The following GPC5 variants were observed in gnomAD, a reference collection of about 807,000 sequenced individuals.
GPC5 encodes the protein glypican-5.
A neutral mutation model predicts 53.9 loss-of-function variants in GPC5; 47 were observed. The ratio of observed to expected loss-of-function variants is 0.87; its 90% confidence interval spans 0.69 to 1.11. The LOEUF is 1.11. Among genes scored for constraint, GPC5 ranks in the 50% most tolerant of loss-of-function variants. The pLI, the probability that GPC5 is intolerant of heterozygous loss-of-function variation, is 0.00. For synonymous variants in GPC5, 286 were observed against 263.3 expected (o/e 1.09, Z -0.84); for missense variants, 748 against 713.1 (o/e 1.05, Z -0.56).
chr13:92,785,644 G>A (rs1308984028), intron 7 of GPC5, among the ~76,000 whole-genome samples: 2 of 152,180 alleles, frequency 1.3e-5, no homozygotes, highest in Non-Finnish European at 1.5e-5. Context: ...CACATGAAGT[G>A]ATTTTTGCAC....
chr13:92,455,672 A>G (rs1264499028), intron 7 of GPC5, among the ~76,000 whole-genome samples: 2 of 152,340 alleles, frequency 1.3e-5, no homozygotes, highest in Non-Finnish European at 2.9e-5. Context: ...AAAAAACTAT[A>G]TAAATTTAAA....
intron 2 of GPC5, among the ~76,000 whole-genome samples, chr13:91,565,619 A>G (rs2065851): frequency 0.47 from 71,890 of 152,142 alleles, 18,901 homozygotes; most frequent in African/African-American, 0.73. Flanking sequence ...ACTTACAGCC[A>G]TGGTTGTTTG....
chr13:92,836,126 CTT>C (rs1463362584), intron 7 of GPC5, among the ~76,000 whole-genome samples: 1 of 151,950 alleles, frequency 6.6e-6, no homozygotes, highest in Non-Finnish European at 1.5e-5. Flanking sequence ...TGTTTATCAA[CTT>C]TAAGTATAAT....
intron 7 of GPC5, among the ~76,000 whole-genome samples, chr13:92,486,612 A>G (rs934918731): frequency 6.6e-6 from 1 of 152,194 alleles, no homozygotes; most frequent in Non-Finnish European, 1.5e-5. Context: ...TGTCTTTTTG[A>G]CAATTTGGAG....
chr13:92,218,805 A>G (rs1040108988), intron 7 of GPC5, among the ~76,000 whole-genome samples: 63 of 152,328 alleles, frequency 4.1e-4, no homozygotes, highest in African/African-American at 1.5e-3. Context: ...TAAAATTAGC[A>G]TGTTAAAGAG....
chr13:92,667,848 A>G (rs1026386881), intron 7 of GPC5, among the ~76,000 whole-genome samples: 1 of 152,200 alleles, frequency 6.6e-6, no homozygotes, highest in African/African-American at 2.4e-5. Context: ...AAGCCAGTTC[A>G]TAAGTTATTC....
chr13:92,069,500 C>T (rs1393374505), intron 6 of GPC5, among the ~76,000 whole-genome samples: 3 of 150,908 alleles, frequency 2.0e-5, no homozygotes, highest in African/African-American at 7.3e-5. Flanking sequence ...CATCTATATA[C>T]AAATGCTTTA....
intron 6 of GPC5, among the ~76,000 whole-genome samples, chr13:91,912,650 T>G (rs1348858212): frequency 6.6e-6 from 1 of 152,130 alleles, no homozygotes; most frequent in Non-Finnish European, 1.5e-5. Context: ...TATCTGGTTG[T>G]TGGTGCTGGC....
chr13:91,584,248 C>G (rs114491546), intron 2 of GPC5, among the ~76,000 whole-genome samples: 2,318 of 151,726 alleles, frequency 0.015, 53 homozygotes, highest in African/African-American at 0.053. Flanking sequence ...TTTTTTTTTG[C>G]GAAGTTACAG....
chr13:92,811,635 C>G (rs1423287884), intron 7 of GPC5, among the ~76,000 whole-genome samples: 1 of 151,758 alleles, frequency 6.6e-6, no homozygotes, highest in East Asian at 1.9e-4. Context: ...ATTTTTATTA[C>G]TTTTTCTTTT....
intron 7 of GPC5, among the ~76,000 whole-genome samples, chr13:92,474,552 G>C (rs1430981970): frequency 2.0e-5 from 3 of 151,500 alleles, no homozygotes; most frequent in Non-Finnish European, 4.4e-5. Context: ...CTCATGGGCA[G>C]TACTTCATAC....
chr13:92,575,279 T>A (rs1468651375), intron 7 of GPC5, among the ~76,000 whole-genome samples: 1 of 152,202 alleles, frequency 6.6e-6, no homozygotes, highest in Admixed American at 6.5e-5. Context: ...AAGGAGACCA[T>A]CCTGGACTTA....
chr13:92,667,604 C>G (rs1224688511), intron 7 of GPC5, among the ~76,000 whole-genome samples: 1 of 152,066 alleles, frequency 6.6e-6, no homozygotes, highest in Non-Finnish European at 1.5e-5. Flanking sequence ...TATGAGAGAG[C>G]TGCGAGAAGT....
At chr13:92,487,968 G>A (rs1213598678) in intron 7 of GPC5, among the ~76,000 whole-genome samples, 2 of 152,150 alleles carry the variant, frequency 1.3e-5, no homozygotes, top group African/African-American at 2.4e-5. Flanking sequence ...GAGGATGGAT[G>A]AATTTCTGTT....
At chr13:92,680,994 C>A (rs925238005) in intron 7 of GPC5, among the ~76,000 whole-genome samples, 1 of 151,988 alleles carries the variant, frequency 6.6e-6, no homozygotes, top group African/African-American at 2.4e-5. Context: ...TGGTCAGCAT[C>A]CAACCAGATC....
intron 6 of GPC5, among the ~76,000 whole-genome samples, chr13:92,104,636 TCTG>T (rs1397613350): frequency 5.9e-5 from 9 of 152,144 alleles, no homozygotes; most frequent in Non-Finnish European, 1.0e-4. Flanking sequence ...CAGCCTTTCT[TCTG>T]CTGATGGGTA....
At chr13:91,877,353 C>T (rs775703603) in intron 5 of GPC5, among the ~76,000 whole-genome samples, 2 of 152,094 alleles carry the variant, frequency 1.3e-5, no homozygotes, top group African/African-American at 2.4e-5. Flanking sequence ...TGAAAGCAGC[C>T]GGGAGGGAGG....
chr13:92,150,870 C>T (rs576055309), intron 7 of GPC5, among the ~76,000 whole-genome samples: 1 of 147,122 alleles, frequency 6.8e-6, no homozygotes, highest in African/African-American at 2.5e-5. Context: ...CTAAGTGTAA[C>T]TATATGATCA....
chr13:91,751,340 G>T (rs1029365014), intron 4 of GPC5, among the ~76,000 whole-genome samples: 1 of 152,060 alleles, frequency 6.6e-6, no homozygotes, highest in African/African-American at 2.4e-5. Context: ...TCCTATCATT[G>T]TAGCAACCGT....
Sources: allele counts gnomAD v4.1 joint callset (sites outside exome capture counted in the v4.1 genomes callset), GRCh38; gene constraint gnomAD v4.1.1; transcripts MANE v1.5; gene names NCBI Gene and HGNC (gene_info 2026-07-23, HGNC 2026-07-21).